Variants in RUNX1 observed in about 807,000 individuals in gnomAD.
RUNX1 encodes runt-related transcription factor 1.
RUNX1 carries 19 observed loss-of-function variants against 42.8 expected under a neutral mutation model. That is an observed-to-expected ratio of 0.44 (90% CI 0.31 to 0.65). RUNX1 has a LOEUF of 0.65. Ranked by LOEUF, RUNX1 falls within the 30% of genes least tolerant of loss-of-function variation. The probability of loss-of-function intolerance (pLI) is 0.07; values close to 1 mark genes in which losing one functional copy is unlikely to be tolerated. For missense variants in RUNX1, 528 were observed against 672.0 expected, an observed-to-expected ratio of 0.79 and a Z score of 2.37; for synonymous variants, 271 against 289.4, an observed-to-expected ratio of 0.94 and a Z score of 0.64.
chr21:34,834,402 G>A lies in RUNX1; in HGVS notation c.805+8C>T. On this transcript the variant is annotated splice_region_variant and intron_variant, in intron 7 of 8. Transcript: ENST00000675419. The stretch of plus-strand genomic sequence containing the variant: ...AGAGGCGGGCAGTGGGCTCCATCTG[G>A]TACTTACCCTGCATCTGACTCTGAG... The A allele has an allele frequency of 6.2e-7, 1 of 1,610,774 alleles. No homozygotes were observed. Among genetic ancestry groups the A allele is most frequent in the African/African-American group, 1.3e-5 (1 of 74,904 alleles).
chr21:34,829,590 T>G (rs2057035244), intron 7 of RUNX1, among the ~76,000 whole-genome samples: 1 of 152,262 alleles, frequency 6.6e-6, no homozygotes, highest in African/African-American at 2.4e-5. Context: ...TTAAATGAAA[T>G]CATTCACCTG....
intron 2 of RUNX1, among the ~76,000 whole-genome samples, chr21:34,909,426 C>T (rs1272631743): frequency 6.6e-6 from 1 of 151,856 alleles, no homozygotes; most frequent in African/African-American, 2.4e-5. Context: ...TTGCATGTCT[C>T]ACATCAAACC....
rs765775425 is a variant in RUNX1, at chr21:34,904,308, T to A, written c.59-11345A>T. Among the ~76,000 whole-genome samples the A allele has an allele frequency of 1.2e-4, 19 of 152,312 alleles. No homozygotes were observed. In the Middle Eastern group the frequency reaches 0.014, roughly 109 times the overall value. ...GAGAGAAAGAGTGGAAAGATTTTTT[T>A]AATAAAATTAAACTAAAACATCTGA... On this transcript the variant is annotated intron_variant, in intron 2 of 8. Transcript: ENST00000675419.
intron 2 of RUNX1, among the ~76,000 whole-genome samples, chr21:35,006,170 T>C (rs2059082890): frequency 6.6e-6 from 1 of 152,120 alleles, no homozygotes; most frequent in Non-Finnish European, 1.5e-5. Flanking sequence ...AGGTGCTGGA[T>C]TGTGGAGTTG....
chr21:34,842,450 G>A (rs186523030), intron 6 of RUNX1, among the ~76,000 whole-genome samples: 18 of 119,928 alleles, frequency 1.5e-4, no homozygotes, highest in East Asian at 2.6e-4. Context: ...AGCCAAGATC[G>A]CTCCACTGCA....
chr21:34,956,766 C>T lies in RUNX1; in HGVS notation c.59-63803G>A, dbSNP rs545106044. Among the ~76,000 whole-genome samples the T allele has an allele frequency of 1.2e-4, 19 of 152,284 alleles. No individual in the cohort carries two copies. In the South Asian group the frequency reaches 3.3e-3, roughly 27 times the overall value. ...TTGAGCCCATTTGCCCCATCCTGCT[C>T]GTTCTCCTCCTCTTCCTCTTTTTCT... On this transcript the variant is annotated intron_variant, in intron 2 of 8. Transcript: ENST00000675419.
At chr21:34,878,238 TAC>T (rs2057843523) in intron 5 of RUNX1, among the ~76,000 whole-genome samples, 1 of 150,140 alleles carries the variant, frequency 6.7e-6, no homozygotes, top group African/African-American at 2.5e-5. Context: ...TGTTGACACT[TAC>T]ACTTGAAAGA....
chr21:34,899,400 ATCTC>A (rs749001761), intron 2 of RUNX1, among the ~76,000 whole-genome samples: 1 of 150,942 alleles, frequency 6.6e-6, no homozygotes, highest in South Asian at 2.1e-4. Flanking sequence ...GACCAGATTG[ATCTC>A]TCTCTCTCTC....
chr21:34,809,418 G>C lies in RUNX1; in HGVS notation c.806-9956C>G, dbSNP rs540537398. ...GTGGAGAATGAGGATACTCACTCCA[G>C]TAAAACAAATCACTGACACCTCAAG... On this transcript the variant is annotated intron_variant, in intron 7 of 8. Coordinates refer to ENST00000675419, the MANE Select transcript of RUNX1 (RefSeq NM_001754.5). Among the ~76,000 whole-genome samples, 12 of 152,072 alleles carry C rather than the reference G, an allele frequency of 7.9e-5. No individual in the cohort carries two copies. The South Asian group carries it at 2.3e-3, about 29-fold the overall frequency.
intron 2 of RUNX1, among the ~76,000 whole-genome samples, chr21:35,004,505 A>G (rs1456926341): frequency 6.6e-6 from 1 of 152,212 alleles, no homozygotes; most frequent in Non-Finnish European, 1.5e-5. Context: ...CGACAATTTC[A>G]GGACCTAGCT....
intron 6 of RUNX1, chr21:34,856,537 C>A (rs1396030857): frequency 4.2e-6 from 2 of 475,250 alleles, no homozygotes; most frequent in South Asian, 1.6e-5. Context: ...TGAAGGACAG[C>A]ACAGAAGTAG....
intron 6 of RUNX1, among the ~76,000 whole-genome samples, chr21:34,857,019 T>A (rs923107434): frequency 6.6e-6 from 1 of 152,152 alleles, no homozygotes; most frequent in Non-Finnish European, 1.5e-5. Flanking sequence ...ACAGGGCAAA[T>A]AGAAAAGTCA....
chr21:34,895,694 C>G (rs969312741), intron 2 of RUNX1, among the ~76,000 whole-genome samples: 12 of 151,424 alleles, frequency 7.9e-5, no homozygotes, highest in African/African-American at 2.9e-4. Context: ...ACAGTTGGGG[C>G]ATAGGTTTGA....
In RUNX1 at chr21:34,886,989, C is replaced by T. The variant is rs777168865; in HGVS notation, c.205G>A (p.Gly69Ser). ...GAPDAGAALAGKLRSGDRSMV... is the reference protein window; with the variant it reads ...GAPDAGAALASKLRSGDRSMV... ...CTGCGGTCGCCGCTCCTCAGCTTGC[C>T]GGCCAGGGCAGCGCCGGCGTCCGGG... is the stretch of plus-strand genomic sequence containing the variant. Residue 69 changes from glycine (G) to serine (S), a missense_variant, in exon 4 of 9, where the codon GGC becomes AGC. Physicochemically the swap from Gly to Ser is moderately conservative, Grantham distance 56. Coordinates refer to ENST00000675419, the MANE Select transcript of RUNX1 (RefSeq NM_001754.5). 6 of 1,606,910 alleles carry T rather than the reference C, an allele frequency of 3.7e-6. No homozygotes were observed. The highest frequency in any genetic ancestry group is 5.1e-6 in the Non-Finnish European group (6 of 1,178,278).
chr21:35,026,849 C>G (rs1315888519), intron 2 of RUNX1, among the ~76,000 whole-genome samples: 1 of 152,236 alleles, frequency 6.6e-6, no homozygotes, highest in Non-Finnish European at 1.5e-5. Flanking sequence ...GTGCGCAGCG[C>G]GCCGCAGCGA....
chr21:34,960,428 A>G (rs2058674174), intron 2 of RUNX1, among the ~76,000 whole-genome samples: 3 of 152,192 alleles, frequency 2.0e-5, no homozygotes, highest in Admixed American at 2.0e-4. Flanking sequence ...TGGGAGATGG[A>G]AGAGCCATGG....
At chr21:34,793,095 C>A (rs1414062341) in intron 8 of RUNX1, among the ~76,000 whole-genome samples, 1 of 151,522 alleles carries the variant, frequency 6.6e-6, no homozygotes, top group Non-Finnish European at 1.5e-5. Flanking sequence ...AAGATTGGAA[C>A]CACACAGGAT....
chr21:34,919,461 A>G (rs923327191), intron 2 of RUNX1, among the ~76,000 whole-genome samples: 9 of 152,150 alleles, frequency 5.9e-5, no homozygotes, highest in South Asian at 2.1e-4. Context: ...CTACATAACT[A>G]TATCGATTTT....
At chr21:35,048,061 T>C (rs1380948518) in intron 2 of RUNX1, among the ~76,000 whole-genome samples, 9 of 152,242 alleles carry the variant, frequency 5.9e-5, no homozygotes, top group African/African-American at 1.9e-4. Context: ...TGGCTGTTCC[T>C]ATTCATAAGC....
Sources: gnomAD v4.1 joint callset for allele counts (sites outside exome capture counted in the v4.1 genomes callset) on GRCh38, gnomAD v4.1.1 for gene constraint, MANE v1.5 for transcripts, NCBI Gene and HGNC (gene_info 2026-07-23, HGNC 2026-07-21) for gene names.